COG5: variants seen among roughly 807,000 people sequenced by gnomAD.
The protein encoded by COG5 is component of oligomeric golgi complex 5.
A neutral mutation model predicts 110.4 loss-of-function variants in COG5; 86 were observed. The ratio of observed to expected loss-of-function variants is 0.78; its 90% CI spans 0.65 to 0.93. The LOEUF (loss-of-function observed/expected upper bound fraction) is 0.93, where lower values mean the gene tolerates loss of function less well. COG5 is among the 40% of genes least tolerant of loss of function. COG5 has a pLI of 0.00. For synonymous variants in COG5, 360 were observed against 334.6 expected, an observed-to-expected ratio of 1.08 and a Z score of -0.83; for missense variants, 1,077 against 987.0, an observed-to-expected ratio of 1.09 and a Z score of -1.22.
At chr7:107,389,117 T>C (rs374262803) in intron 7 of COG5, among the ~76,000 whole-genome samples, 6 of 152,350 alleles carry the variant, frequency 3.9e-5, no homozygotes, top group African/African-American at 1.4e-4. Flanking sequence ...GCTCATATCT[T>C]AGATCCGCCT....
At chr7:107,418,878 G>A (rs1349099648) in intron 6 of COG5, among the ~76,000 whole-genome samples, 1 of 151,974 alleles carries the variant, frequency 6.6e-6, no homozygotes, top group South Asian at 2.1e-4. Context: ...GGGTTCAAGC[G>A]ATTCTGCTGC....
intron 8 of COG5, among the ~76,000 whole-genome samples, chr7:107,369,853 T>C (rs868460423): frequency 1.3e-5 from 2 of 152,314 alleles, no homozygotes; most frequent in African/African-American, 4.8e-5. Flanking sequence ...GTTTCTGCTC[T>C]TGTCCAGAAC....
chr7:107,553,788 A>G (rs867760166), intron 3 of COG5, among the ~76,000 whole-genome samples: 11 of 152,340 alleles, frequency 7.2e-5, no homozygotes, highest in Middle Eastern at 3.4e-3. Flanking sequence ...TAAGAAAAAA[A>G]ATTCATGCCT....
intron 13 of COG5, 141 bp downstream of exon 13, chr7:107,283,430 A>G (rs1805348509): frequency 1.5e-6 from 1 of 686,346 alleles, no homozygotes; most frequent in Non-Finnish European, 2.4e-6. Context: ...GTGTGCACTC[A>G]TTTACTATAA....
chr7:107,445,318 TAAGA>T (rs1794944471), intron 6 of COG5, among the ~76,000 whole-genome samples: 1 of 152,230 alleles, frequency 6.6e-6, no homozygotes, highest in African/African-American at 2.4e-5. Flanking sequence ...AAGGTTTAAG[TAAGA>T]GAGAATAGCA....
At chr7:107,397,306 G>A (rs1791086512) in intron 7 of COG5, among the ~76,000 whole-genome samples, 2 of 152,138 alleles carry the variant, frequency 1.3e-5, no homozygotes, top group South Asian at 4.1e-4. Context: ...GCTATCTTGT[G>A]ACCATGATGG....
chr7:107,288,921 T>G (rs1472601440), intron 12 of COG5, among the ~76,000 whole-genome samples: 614 of 17,406 alleles, frequency 0.035, 23 homozygotes, highest in East Asian at 0.11. Context: ...TATATATATA[T>G]ATATATATAT....
intron 11 of COG5, 133 bp downstream of exon 11, chr7:107,324,307 A>T: frequency 1.6e-6 from 1 of 616,970 alleles, no homozygotes; most frequent in Non-Finnish European, 2.8e-6. Flanking sequence ...TCTAGACAAA[A>T]TAACAATTAG....
chr7:107,393,116 TA>T (rs2129057421), intron 7 of COG5, among the ~76,000 whole-genome samples: 1 of 152,342 alleles, frequency 6.6e-6, no homozygotes, highest in Admixed American at 6.5e-5. Context: ...AATAAAATCA[TA>T]AATTGTCCCT....
chr7:107,269,040 T>C (rs780013314), intron 14 of COG5, among the ~76,000 whole-genome samples: 3 of 152,220 alleles, frequency 2.0e-5, no homozygotes, highest in Non-Finnish European at 2.9e-5. Context: ...CATGATTCAA[T>C]TTTTGCTTCT....
intron 21 of COG5, chr7:107,208,764 C>A: frequency 1.0e-6 from 1 of 985,470 alleles, no homozygotes; most frequent in Non-Finnish European, 1.2e-6. Flanking sequence ...ACACATACGC[C>A]CAGAGGGCCA....
chr7:107,201,490 G>A lies in COG5; in HGVS notation c.*2026C>T. ...CATATACATTGACTCTTGATGGAAA[G>A]ACTTAAGAAGATCAAGGTCTCACCA... is the stretch of plus-strand genomic sequence containing the variant. On this transcript the variant is annotated 3_prime_UTR_variant, in exon 22 of 22. Transcript: ENST00000297135. 1.9e-6 allele frequency: 2 copies of A among 1,061,748 alleles called. No individual in the cohort carries two copies. The highest frequency in any genetic ancestry group is 2.9e-6 in the Non-Finnish European group (2 of 687,950). 65.8% of individuals were successfully genotyped at this position (1,061,748 alleles called of 1,614,324 possible).
Position 107,474,697 on chromosome 7 carries a change from C to G in COG5, c.538+52540G>C. ...CACTGAACTGGGAATGTATTATCAC[C>G]TGTTAGTACAGATCCCAATATTCTT... is the stretch of plus-strand genomic sequence containing the variant. On this transcript the variant is annotated intron_variant, in intron 6 of 21. Coordinates refer to ENST00000297135, the MANE Select transcript of COG5 (RefSeq NM_006348.5). This position sits in a 1 kb window ranked among gnomAD's most constrained non-coding sequence, Gnocchi z 5.7. 2 of 1,610,400 alleles carry G rather than the reference C, an allele frequency of 1.2e-6. No individual in the cohort carries two copies. Among genetic ancestry groups the G allele is most frequent in the Non-Finnish European group, 1.7e-6 (2 of 1,177,354 alleles).
At chr7:107,283,182 G>C (rs1405536659) in intron 13 of COG5, among the ~76,000 whole-genome samples, 1 of 152,122 alleles carries the variant, frequency 6.6e-6, no homozygotes, top group Non-Finnish European at 1.5e-5. Flanking sequence ...TTTCTGCCAT[G>C]AAGCACGTTC....
intron 5 of COG5, among the ~76,000 whole-genome samples, chr7:107,541,127 G>A (rs924790250): frequency 6.6e-6 from 1 of 151,502 alleles, no homozygotes; most frequent in African/African-American, 2.4e-5. Context: ...CCCCAGCCTG[G>A]GCAACAGAGC....
At chr7:107,377,919 C>CT (rs1562998485) in intron 7 of COG5, among the ~76,000 whole-genome samples, 1 of 152,146 alleles carries the variant, frequency 6.6e-6, no homozygotes, top group East Asian at 1.9e-4. Flanking sequence ...GCAAGCTCTG[C>CT]TAAGGGACAG....
intron 19 of COG5, among the ~76,000 whole-genome samples, chr7:107,218,448 T>C (rs556046204): frequency 6.6e-6 from 1 of 152,116 alleles, no homozygotes; most frequent in Non-Finnish European, 1.5e-5. Flanking sequence ...AATTTTAAAC[T>C]ATATTACAGA....
chr7:107,480,627 A>T (rs1217523669), intron 6 of COG5, among the ~76,000 whole-genome samples: 1 of 152,138 alleles, frequency 6.6e-6, no homozygotes, highest in Admixed American at 6.6e-5. Context: ...AAAGAAAACT[A>T]ATTTGAAGAT....
chr7:107,347,264 G>A (rs573046249), intron 10 of COG5, among the ~76,000 whole-genome samples: 3 of 152,228 alleles, frequency 2.0e-5, no homozygotes, highest in Non-Finnish European at 2.9e-5. Flanking sequence ...GGTTGTGTTC[G>A]TGTCCAGGAC....
Sources: allele counts gnomAD v4.1 joint callset (sites outside exome capture counted in the v4.1 genomes callset), GRCh38; gene constraint gnomAD v4.1.1; non-coding constraint Gnocchi (gnomAD v3.1); transcripts MANE v1.5; gene names NCBI Gene and HGNC (gene_info 2026-07-23, HGNC 2026-07-21).